Variants in ROBO1 observed in about 807,000 individuals in gnomAD.
ROBO1 encodes the protein roundabout guidance receptor 1.
A neutral mutation model predicts 195.9 loss-of-function variants in ROBO1; 149 were observed. The observed-to-expected ratio is 0.76, with a 90% CI of 0.67 to 0.87. ROBO1 has a LOEUF of 0.87. Among genes scored for constraint, ROBO1 ranks in the 40% least tolerant of loss-of-function variants. The pLI is 0.00. For missense variants in ROBO1, 1,933 were observed against 2,068.3 expected (o/e 0.93, Z 1.27); for synonymous variants, 816 against 733.2 (o/e 1.11, Z -1.82).
intron 3 of ROBO1, among the ~76,000 whole-genome samples, chr3:79,123,684 A>G (rs965124921): frequency 2.6e-5 from 4 of 152,012 alleles, no homozygotes; most frequent in Admixed American, 1.3e-4. Context: ...ATTATTCAGA[A>G]GATTGTCTTT....
intron 2 of ROBO1, among the ~76,000 whole-genome samples, chr3:79,488,392 T>C (rs1939272367): frequency 6.6e-6 from 1 of 152,192 alleles, no homozygotes; most frequent in Non-Finnish European, 1.5e-5. Flanking sequence ...GGACTGCTTA[T>C]TGCTCAGGCT....
intron 2 of ROBO1, among the ~76,000 whole-genome samples, chr3:79,553,845 A>T (rs541758078): frequency 6.6e-6 from 1 of 152,080 alleles, no homozygotes; most frequent in Non-Finnish European, 1.5e-5. Context: ...TGTTTTGAGG[A>T]GGAGAATGGC....
rs570512192 is a variant in ROBO1, at chr3:79,728,984, T to C, written c.-51+38768A>G. Among the ~76,000 whole-genome samples, 73 of 152,284 alleles carry C rather than the reference T, an allele frequency of 4.8e-4. 1 individual carries two copies. In the South Asian group the frequency reaches 0.015, roughly 30 times the overall value. ...AAAATTCTAAAGTACATAAGAAATA[T>C]ATAATCAAATGTTGACCATATGGAA... On this transcript the variant is annotated intron_variant, in intron 1 of 30. Transcript: ENST00000464233.
intron 2 of ROBO1, among the ~76,000 whole-genome samples, chr3:79,266,730 G>A (rs1450318410): frequency 6.6e-6 from 1 of 151,564 alleles, no homozygotes; most frequent in Non-Finnish European, 1.5e-5. Flanking sequence ...ACAGCTGCAT[G>A]AAGTTGTTAT....
intron 2 of ROBO1, among the ~76,000 whole-genome samples, chr3:79,370,092 T>G (rs1255118877): frequency 6.6e-6 from 1 of 152,108 alleles, no homozygotes; most frequent in Non-Finnish European, 1.5e-5. Flanking sequence ...CAGTGGCTCA[T>G]GACTGTAATC....
intron 1 of ROBO1, among the ~76,000 whole-genome samples, chr3:79,626,001 A>G (rs1465195135): frequency 1.3e-5 from 2 of 152,200 alleles, no homozygotes; most frequent in African/African-American, 2.4e-5. Flanking sequence ...TCAAAAACTT[A>G]TCCTGCATGA....
At chr3:79,716,662 G>C (rs1403382879) in intron 1 of ROBO1, among the ~76,000 whole-genome samples, 2 of 151,926 alleles carry the variant, frequency 1.3e-5, no homozygotes, top group Non-Finnish European at 2.9e-5. Flanking sequence ...TATGGTATTA[G>C]ATGACCTGAT....
At chr3:78,695,290 G>C (rs2081262400) in intron 8 of ROBO1, among the ~76,000 whole-genome samples, 1 of 151,964 alleles carries the variant, frequency 6.6e-6, no homozygotes. Context: ...AGAACTTTAG[G>C]CTAATGTATT....
chr3:79,299,716 T>G (rs2032794301), intron 2 of ROBO1, among the ~76,000 whole-genome samples: 1 of 152,124 alleles, frequency 6.6e-6, no homozygotes, highest in Non-Finnish European at 1.5e-5. Flanking sequence ...GATGAAATCT[T>G]TCCAATTCAA....
intron 4 of ROBO1, among the ~76,000 whole-genome samples, chr3:78,930,041 G>C (rs568562200): frequency 6.6e-6 from 1 of 152,054 alleles, no homozygotes; most frequent in Non-Finnish European, 1.5e-5. Context: ...ATTCCAGAAC[G>C]AAAGAAAACA....
At chr3:78,819,456 A>AC (rs1300893322) in intron 4 of ROBO1, among the ~76,000 whole-genome samples, 2 of 151,648 alleles carry the variant, frequency 1.3e-5, no homozygotes, top group East Asian at 1.9e-4. Flanking sequence ...AAAAAAAAAA[A>AC]AACAAAACCT....
chr3:79,242,141 G>T (rs1335512994), intron 2 of ROBO1, among the ~76,000 whole-genome samples: 3 of 151,978 alleles, frequency 2.0e-5, no homozygotes, highest in Admixed American at 1.3e-4. Flanking sequence ...AGGAATTGAA[G>T]CAGCTGCCTT....
intron 3 of ROBO1, among the ~76,000 whole-genome samples, chr3:79,087,522 CCTTT>C (rs1559649317): frequency 6.6e-6 from 1 of 151,666 alleles, no homozygotes; most frequent in African/African-American, 2.4e-5. Context: ...TTCCTTCCTT[CCTTT>C]CCTTCCTTCC....
chr3:79,730,450 AAC>A (rs1230844081), intron 1 of ROBO1, among the ~76,000 whole-genome samples: 1 of 152,178 alleles, frequency 6.6e-6, no homozygotes, highest in East Asian at 1.9e-4. Flanking sequence ...TTTACTCATA[AAC>A]ACATATTTTA....
intron 1 of ROBO1, among the ~76,000 whole-genome samples, chr3:79,654,061 TCTAA>T (rs760630347): frequency 1.3e-5 from 2 of 152,014 alleles, no homozygotes; most frequent in Non-Finnish European, 2.9e-5. Flanking sequence ...ACTTTGTATG[TCTAA>T]CTGTTTAGAT....
intron 4 of ROBO1, among the ~76,000 whole-genome samples, chr3:78,852,007 A>G (rs2034098269): frequency 6.6e-6 from 1 of 152,110 alleles, no homozygotes; most frequent in East Asian, 1.9e-4. Flanking sequence ...TAAGGTTATG[A>G]ATAATAATTT....
chr3:79,637,928 A>G (rs984434446), intron 1 of ROBO1, among the ~76,000 whole-genome samples: 3 of 152,122 alleles, frequency 2.0e-5, no homozygotes, highest in Non-Finnish European at 2.9e-5. Flanking sequence ...TAATTTTTTT[A>G]TATGGATGGT....
chr3:78,947,766 A>G (rs965488906), intron 3 of ROBO1, among the ~76,000 whole-genome samples: 1 of 152,194 alleles, frequency 6.6e-6, no homozygotes, highest in Non-Finnish European at 1.5e-5. Context: ...CAAAACTGAT[A>G]GACCGCTAGC....
intron 1 of ROBO1, among the ~76,000 whole-genome samples, chr3:79,734,189 C>T (rs1703281529): frequency 6.6e-6 from 1 of 152,088 alleles, no homozygotes; most frequent in Non-Finnish European, 1.5e-5. Flanking sequence ...CTCATGGATC[C>T]TCTCACCTCG....
Sources: gnomAD v4.1 joint callset for allele counts (sites outside exome capture counted in the v4.1 genomes callset) on GRCh38, gnomAD v4.1.1 for gene constraint, MANE v1.5 for transcripts, NCBI Gene and HGNC (gene_info 2026-07-23, HGNC 2026-07-21) for gene names.